Variants in VEPH1 observed in about 807,000 individuals in gnomAD.
VEPH1 encodes the protein ventricular zone expressed PH domain containing 1.
In VEPH1, 80 loss-of-function variants were observed where a neutral mutation model predicts 85.2. The observed-to-expected ratio is 0.94, with a 90% confidence interval of 0.78 to 1.13. The LOEUF is 1.13. VEPH1 is among the 50% of genes most tolerant of loss of function. The pLI, the probability that VEPH1 is intolerant of heterozygous loss-of-function variation, is 0.00. For missense variants in VEPH1, 955 were observed against 980.5 expected (o/e 0.97, Z 0.35); for synonymous variants, 297 against 348.0 (o/e 0.85, Z 1.63).
chr3:157,409,785 G>A, intron 6 of VEPH1: 1 of 985,298 alleles, frequency 1.0e-6, no homozygotes, highest in Non-Finnish European at 1.2e-6. Flanking sequence ...AGAAGGTGAG[G>A]CATAAGCCAA....
At chr3:157,472,339 T>C (rs1185389664) in intron 2 of VEPH1, among the ~76,000 whole-genome samples, 1 of 152,346 alleles carries the variant, frequency 6.6e-6, no homozygotes, top group Middle Eastern at 3.4e-3. Flanking sequence ...AGTAGAAATG[T>C]ACATTTTCTT....
chr3:157,260,967 T>C lies in VEPH1; in HGVS notation c.*167A>G. ...ATACTAAAGCTGTTAGAGTATGACATTTACTAAGAATCCTGCCATTTTAGG... is the reference window on the plus strand; with the variant it reads ...ATACTAAAGCTGTTAGAGTATGACACTTACTAAGAATCCTGCCATTTTAGG... On this transcript the variant is annotated 3_prime_UTR_variant, in exon 14 of 14. Coordinates refer to ENST00000362010, the MANE Select transcript of VEPH1 (RefSeq NM_001167912.2). 1.1e-6 allele frequency: 1 copy of C among 871,266 alleles called. No individual in the cohort carries two copies. Among genetic ancestry groups the C allele is most frequent in the Non-Finnish European group, 1.8e-6 (1 of 570,676 alleles). 54.0% of individuals were successfully genotyped at this position (871,266 alleles called of 1,614,324 possible). A position where few individuals can be genotyped will look rare whatever the true frequency, so the allele number is the denominator to read the frequency against.
At chr3:157,501,658 A>G (rs1004877985) in intron 1 of VEPH1, among the ~76,000 whole-genome samples, 1 of 152,208 alleles carries the variant, frequency 6.6e-6, no homozygotes, top group African/African-American at 2.4e-5. Flanking sequence ...GATACTGCCT[A>G]TAGAATAATT....
intron 6 of VEPH1, among the ~76,000 whole-genome samples, chr3:157,393,885 GTT>G (rs34237932): frequency 2.6e-5 from 4 of 152,142 alleles, no homozygotes; most frequent in African/African-American, 9.7e-5. Context: ...GTTACCTCCG[GTT>G]TTGTTGTTTG....
At chr3:157,430,079 C>T (rs770267268) in intron 4 of VEPH1, among the ~76,000 whole-genome samples, 97 of 152,282 alleles carry the variant, frequency 6.4e-4, no homozygotes, top group Non-Finnish European at 1.1e-3. Flanking sequence ...AGTCATCAAA[C>T]AAATGTAGGC....
rs1315814489 is a variant in VEPH1 at position 157,339,868 on chromosome 3, G to A, written c.1736-22667C>T. Among the ~76,000 whole-genome samples, 4 of 152,162 alleles carry A rather than the reference G, an allele frequency of 2.6e-5. No individual in the cohort carries two copies. The South Asian group carries it at 6.2e-4, about 24-fold the overall frequency. On this transcript the variant is annotated intron_variant, in intron 9 of 13. Transcript: ENST00000362010. ...AGCCAGCCTTACCTAAAGTGAAAGA[G>A]TCAAGTGTCCTGCTCACATCTTTCT...
intron 9 of VEPH1, among the ~76,000 whole-genome samples, chr3:157,348,182 C>A (rs775477308): frequency 6.6e-6 from 1 of 152,148 alleles, no homozygotes; most frequent in Non-Finnish European, 1.5e-5. Flanking sequence ...CTGACTAAAC[C>A]ACTGTGTGCC....
chr3:157,441,461 T>C (rs761126508), intron 4 of VEPH1, among the ~76,000 whole-genome samples: 9 of 152,144 alleles, frequency 5.9e-5, no homozygotes, highest in Non-Finnish European at 1.3e-4. Context: ...TCAAAGGTAG[T>C]TTTCTAAAAA....
chr3:157,360,364 C>G (rs1217502075), intron 9 of VEPH1, among the ~76,000 whole-genome samples: 1 of 152,044 alleles, frequency 6.6e-6, no homozygotes, highest in African/African-American at 2.4e-5. Flanking sequence ...AAAATGTCAA[C>G]TAAAAAAATA....
chr3:157,295,270 A>G (rs973341104), intron 11 of VEPH1, among the ~76,000 whole-genome samples: 6 of 152,092 alleles, frequency 3.9e-5, no homozygotes, highest in Non-Finnish European at 8.8e-5. Flanking sequence ...AAAATTTAAC[A>G]TTATTCATAT....
chr3:157,473,245 T>G (rs1006958280), intron 2 of VEPH1, among the ~76,000 whole-genome samples: 1 of 151,812 alleles, frequency 6.6e-6, no homozygotes, highest in African/African-American at 2.4e-5. Context: ...GCTAATTTTT[T>G]GGATTTTTAG....
chr3:157,344,392 A>G (rs1361619203), intron 9 of VEPH1, among the ~76,000 whole-genome samples: 1 of 152,102 alleles, frequency 6.6e-6, no homozygotes, highest in Non-Finnish European at 1.5e-5. Context: ...TAACAGACAA[A>G]CAGAGAGCCA....
rs956835049 is a variant in VEPH1 at position 157,441,826 on chromosome 3, G to GTAT, written c.530-13341_530-13339dup. ...CTCTGTCTCAAAAAAAAAAAAAAAT[G>GTAT]TATTCTGCAATAACATCACTATCCT... On this transcript the variant is annotated intron_variant, in intron 4 of 13. Coordinates refer to ENST00000362010, the MANE Select transcript of VEPH1 (RefSeq NM_001167912.2). Among the ~76,000 whole-genome samples the GTAT allele has an allele frequency of 4.7e-5, 7 of 148,644 alleles. No individual in the cohort carries two copies. In the South Asian group the frequency reaches 1.5e-3, roughly 32 times the overall value.
chr3:157,409,891 A>G (rs1403071171), intron 6 of VEPH1: 2 of 985,280 alleles, frequency 2.0e-6, no homozygotes, highest in East Asian at 1.1e-4. Context: ...CTTCTTAAAG[A>G]TCAAACCATG....
intron 9 of VEPH1, among the ~76,000 whole-genome samples, chr3:157,352,080 A>G (rs1724928422): frequency 6.6e-6 from 1 of 152,246 alleles, no homozygotes; most frequent in East Asian, 1.9e-4. Flanking sequence ...AACAGCATTC[A>G]TCAGCCAAAT....
chr3:157,315,536 A>G (rs1381521664), intron 10 of VEPH1, among the ~76,000 whole-genome samples: 4 of 152,076 alleles, frequency 2.6e-5, no homozygotes, highest in Non-Finnish European at 5.9e-5. Flanking sequence ...AATTTGGCCC[A>G]ATGCACAAGA....
intron 9 of VEPH1, among the ~76,000 whole-genome samples, chr3:157,347,460 C>T (rs1020925792): frequency 6.6e-6 from 1 of 152,164 alleles, no homozygotes; most frequent in African/African-American, 2.4e-5. Flanking sequence ...CATGGGCCAT[C>T]ACACAGCTGA....
intron 9 of VEPH1, among the ~76,000 whole-genome samples, chr3:157,329,218 G>A (rs1013455250): frequency 1.2e-4 from 18 of 152,056 alleles, no homozygotes; most frequent in African/African-American, 4.3e-4. Context: ...TCGTATAACT[G>A]AATGAGTTAT....
intron 9 of VEPH1, among the ~76,000 whole-genome samples, chr3:157,362,890 T>A (rs1342101422): frequency 6.6e-6 from 1 of 152,150 alleles, no homozygotes; most frequent in Non-Finnish European, 1.5e-5. Context: ...AGGAATTGTA[T>A]CTGTTTGGTT....
Sources: gnomAD v4.1 joint callset for allele counts (sites outside exome capture counted in the v4.1 genomes callset) on GRCh38, gnomAD v4.1.1 for gene constraint, MANE v1.5 for transcripts, NCBI Gene and HGNC (gene_info 2026-07-23, HGNC 2026-07-21) for gene names.